AGMO: variants seen among roughly 807,000 people sequenced by gnomAD.
AGMO encodes the protein alkylglycerol monooxygenase.
Under a neutral mutation model 60.2 loss-of-function variants are expected in AGMO, and 75 were observed. The ratio of observed to expected loss-of-function variants is 1.25; its 90% CI spans 1.03 to 1.51. The LOEUF (loss-of-function observed/expected upper bound fraction) is 1.51. AGMO is among the 40% of genes most tolerant of loss of function. The pLI is 0.00. For synonymous variants in AGMO, 261 were observed against 177.1 expected, an observed-to-expected ratio of 1.47 and a Z score of -3.76; for missense variants, 763 against 525.5, an observed-to-expected ratio of 1.45 and a Z score of -4.42.
At chr7:15,393,705 T>C (rs1232265935) in intron 6 of AGMO, among the ~76,000 whole-genome samples, 2 of 152,218 alleles carry the variant, frequency 1.3e-5, no homozygotes, top group African/African-American at 2.4e-5. Context: ...TATTGGGCTC[T>C]CCTTAAATCA....
intron 12 of AGMO, among the ~76,000 whole-genome samples, chr7:15,275,366 T>C (rs761765066): frequency 1.3e-5 from 2 of 152,176 alleles, no homozygotes; most frequent in Non-Finnish European, 2.9e-5. Context: ...CATACTGGTA[T>C]TGATTTCTAA....
intron 12 of AGMO, among the ~76,000 whole-genome samples, chr7:15,246,475 T>C (rs1227605398): frequency 3.9e-5 from 6 of 152,194 alleles, no homozygotes; most frequent in Non-Finnish European, 7.3e-5. Flanking sequence ...TTGAAGTTTA[T>C]TCACATTCCA....
At chr7:15,135,307 C>G in the AGMO span, among the ~76,000 whole-genome samples, 2 of 151,910 alleles carry the variant, frequency 1.3e-5, no homozygotes. Flanking sequence ...GGGAAGCTAT[C>G]GAAGCTGATC....
At chr7:15,351,930 G>C (rs1222898312) in intron 12 of AGMO, among the ~76,000 whole-genome samples, 2 of 152,164 alleles carry the variant, frequency 1.3e-5, no homozygotes, top group Admixed American at 1.3e-4. Flanking sequence ...AGTAACATAT[G>C]AATTCGGTAA....
intron 2 of AGMO, among the ~76,000 whole-genome samples, chr7:15,559,129 C>A (rs117755882): frequency 0.01 from 1,552 of 152,188 alleles, 11 homozygotes; most frequent in Non-Finnish European, 0.018. Context: ...TTATATCTTA[C>A]TATTATTGAG....
intron 3 of AGMO, among the ~76,000 whole-genome samples, chr7:15,526,934 G>A (rs1028550514): frequency 3.3e-5 from 5 of 152,016 alleles, no homozygotes; most frequent in Non-Finnish European, 7.4e-5. Flanking sequence ...TGTTTTAGGG[G>A]TCTCTCTATG....
the AGMO span, among the ~76,000 whole-genome samples, chr7:15,123,985 C>T: frequency 0.34 from 51,368 of 151,882 alleles, 10,395 homozygotes; most frequent in East Asian, 0.66. Context: ...ATTCTTATGA[C>T]GTGTCTCGCA....
In AGMO at chr7:15,409,195, G is replaced by C. The variant is rs149383511; in HGVS notation, c.609+9363C>G. On this transcript the variant is annotated intron_variant, in intron 5 of 12. Coordinates refer to ENST00000342526, the MANE Select transcript of AGMO (RefSeq NM_001004320.2). ...AGGGCTGGCCTCTGAAAATAGGTTA[G>C]ATTTTAAGATGGGGGAAGTAAATGT... 4.2e-4 allele frequency among the ~76,000 whole-genome samples: 64 copies of C among 152,048 alleles called. 2 individuals are homozygous for C. The East Asian group carries it at 0.012, about 28-fold the overall frequency.
intron 3 of AGMO, among the ~76,000 whole-genome samples, chr7:15,537,535 A>C (rs1784512315): frequency 6.6e-6 from 1 of 152,178 alleles, no homozygotes; most frequent in East Asian, 1.9e-4. Context: ...CTTTTAATTA[A>C]ATTTCTCGAA....
intron 12 of AGMO, among the ~76,000 whole-genome samples, chr7:15,217,535 AAAT>A (rs1781777467): frequency 6.6e-6 from 1 of 152,156 alleles, no homozygotes; most frequent in Non-Finnish European, 1.5e-5. Flanking sequence ...TTAAAAATAG[AAAT>A]AATGAGAAAC....
At chr7:15,498,382 T>G (rs1413138498) in intron 3 of AGMO, among the ~76,000 whole-genome samples, 1 of 152,014 alleles carries the variant, frequency 6.6e-6, no homozygotes, top group Non-Finnish European at 1.5e-5. Flanking sequence ...ATTAATACCT[T>G]TTATTGGAGA....
chr7:15,417,823 C>T (rs1780817194), intron 5 of AGMO, among the ~76,000 whole-genome samples: 2 of 152,158 alleles, frequency 1.3e-5, no homozygotes, highest in Admixed American at 6.5e-5. Context: ...TGTCAACATG[C>T]TTCCTCTAGT....
intron 5 of AGMO, among the ~76,000 whole-genome samples, chr7:15,405,521 T>C (rs1784663113): frequency 6.6e-6 from 1 of 151,950 alleles, no homozygotes; most frequent in Non-Finnish European, 1.5e-5. Flanking sequence ...AGCATTCACA[T>C]TATTCTGATG....
rs917201250 is a variant in AGMO, at chr7:15,356,953, C to CAAA, written c.1263+8558_1263+8560dup. On this transcript the variant is annotated intron_variant, in intron 12 of 12. Coordinates refer to ENST00000342526, the MANE Select transcript of AGMO (RefSeq NM_001004320.2). ...CGAAATCCCCTCTCTACTAAAATTA[C>CAAA]AAAAAAAAAAAAAAAAAAAAATTAG... is the stretch of plus-strand genomic sequence containing the variant. Among the ~76,000 whole-genome samples the CAAA allele has an allele frequency of 3.4e-3, 232 of 68,896 alleles. 1 individual carries two copies. Among genetic ancestry groups the CAAA allele is most frequent in the African/African-American group, 8.9e-3 (158 of 17,822 alleles). The allele number at this position is 68,896 out of a possible 152,430, so 45.2% of individuals were successfully genotyped here.
At position 15,235,644 on chromosome 7, in the gene AGMO, T is replaced by C. The variant is rs189967472; in HGVS notation, c.1264-34285A>G. Among the ~76,000 whole-genome samples, 595 of 152,210 alleles carry C rather than the reference T, an allele frequency of 3.9e-3. 7 individuals carry two copies. The highest frequency in any genetic ancestry group is 9.4e-4 in the Non-Finnish European group (64 of 67,986). On this transcript the variant is annotated intron_variant, in intron 12 of 12. Transcript: ENST00000342526. ...CTAAATTAACTACTGTTTCAGAAAA[T>C]AGATCCTAAAGAAAGAAAATAGAGA...
At chr7:15,419,414 A>G (rs1038129865) in intron 4 of AGMO, among the ~76,000 whole-genome samples, 2 of 152,022 alleles carry the variant, frequency 1.3e-5, no homozygotes, top group Non-Finnish European at 2.9e-5. Flanking sequence ...GAGAGACTAA[A>G]TAACCAAATG....
chr7:15,360,426 A>G (rs920344397), intron 12 of AGMO, among the ~76,000 whole-genome samples: 2 of 152,224 alleles, frequency 1.3e-5, no homozygotes, highest in African/African-American at 4.8e-5. Context: ...TGGTAACATG[A>G]ACAGACGATT....
At chr7:15,553,359 GA>G (rs1176004470) in intron 2 of AGMO, among the ~76,000 whole-genome samples, 2 of 151,102 alleles carry the variant, frequency 1.3e-5, no homozygotes, top group Admixed American at 6.6e-5. Context: ...AAATAAAATA[GA>G]AAAAAAAGAA....
chr7:15,344,827 T>G (rs2128551156), intron 12 of AGMO, among the ~76,000 whole-genome samples: 1 of 149,426 alleles, frequency 6.7e-6, no homozygotes, highest in Middle Eastern at 3.4e-3. Flanking sequence ...AATATATCCC[T>G]AAACTTAAAT....
Sources: gnomAD v4.1 joint callset for allele counts (sites outside exome capture counted in the v4.1 genomes callset) on GRCh38, gnomAD v4.1.1 for gene constraint, MANE v1.5 for transcripts, NCBI Gene and HGNC (gene_info 2026-07-23, HGNC 2026-07-21) for gene names.